The following IFI27 variants were observed in gnomAD, a reference collection of about 807,000 sequenced individuals.
The protein encoded by IFI27 is interferon alpha-inducible protein 27, mitochondrial.
IFI27 carries 3 observed loss-of-function variants against 8.9 expected under a neutral mutation model. The ratio of observed to expected loss-of-function variants is 0.34; its 90% CI spans 0.15 to 0.87. IFI27 has a LOEUF of 0.87. IFI27 is among the 40% of genes least tolerant of loss of function. The probability of loss-of-function intolerance (pLI) is 0.51; values close to 1 mark genes in which losing one functional copy is unlikely to be tolerated. For missense variants in IFI27, 152 were observed against 157.7 expected (o/e 0.96, Z 0.19); for synonymous variants, 66 against 67.3 (o/e 0.98, Z 0.09).
intron 2 of IFI27, chr14:94,114,567 A>G (rs1375327270): frequency 6.2e-6 from 3 of 482,642 alleles, no homozygotes; most frequent in African/African-American, 5.7e-5. Context: ...GGCAGAAAAG[A>G]AAAGATAACA....
chr14:94,113,762 C>T (rs559138340), intron 2 of IFI27: 2 of 152,254 alleles, frequency 1.3e-5, no homozygotes, highest in South Asian at 2.1e-4. Context: ...AACCTTCTAA[C>T]GAGGTTATCC....
In IFI27 at chr14:94,111,539, C is replaced by T. The variant is rs1179296113; in HGVS notation, c.-58-86C>T. On this transcript the variant is annotated intron_variant, in intron 1 of 4. Transcript: ENST00000621160. The surrounding 1 kb of genome is among the most constrained non-coding windows in gnomAD (Gnocchi z 4.3). ...AGCTCAGAGCAGCCTCCCTAGCCCC[C>T]TGGAGCCCGTCACATTTTTCAGGAC... 1.5e-6 allele frequency: 1 copy of T among 684,744 alleles called. No individual in the cohort carries two copies. Among genetic ancestry groups the T allele is most frequent in the Non-Finnish European group, 2.6e-6 (1 of 378,028 alleles). 42.4% of individuals were successfully genotyped at this position (684,744 alleles called of 1,614,324 possible).
At chr14:94,114,755 G>A in intron 2 of IFI27, 96 bp from the exon 3 acceptor site, 2 of 1,363,026 alleles carry the variant, frequency 1.5e-6, no homozygotes, top group Non-Finnish European at 2.1e-6. Context: ...CCCAACCTGG[G>A]GCAGCCCCCT....
At chr14:94,107,804 C>G (rs1486264055), upstream of IFI27, among the ~76,000 whole-genome samples, 1 of 151,976 alleles carries the variant, frequency 6.6e-6, no homozygotes, top group East Asian at 1.9e-4. Context: ...ACTTGTGTCG[C>G]TGGTTGTTAA....
At chr14:94,107,286 G>T (rs529452606), upstream of IFI27, among the ~76,000 whole-genome samples, 198 of 152,280 alleles carry the variant, frequency 1.3e-3, no homozygotes, top group African/African-American at 4.6e-3. Context: ...GGTCAGGCTG[G>T]TCTTGAACTC....
rs539188120 is a variant in IFI27, at chr14:94,116,252, G to A, written c.284-190G>A. 94 of 645,842 alleles carry A rather than the reference G, an allele frequency of 1.5e-4. No homozygotes were observed. The highest frequency in any genetic ancestry group is 3.9e-4 in the Admixed American group (17 of 43,180). The allele number at this position is 645,842 out of a possible 1,614,324, so 40.0% of individuals were successfully genotyped here. ...TCTAGCTCTGGAGTTCACCATGGGG[G>A]TTCATGCCTGCAGCAGCCTCTCCCC... On this transcript the variant is annotated intron_variant, in intron 4 of 4. Transcript: ENST00000621160. The surrounding 1 kb of genome is among the most constrained non-coding windows in gnomAD (Gnocchi z 4.3).
rs1383776185 is a variant in IFI27, at chr14:94,111,139, C to G, written c.-59+342C>G. On this transcript the variant is annotated intron_variant, in intron 1 of 4. Transcript: ENST00000621160. This position sits in a 1 kb window ranked among gnomAD's most constrained non-coding sequence, Gnocchi z 4.3. Reference sequence around the variant, plus strand: ...GGTGTTGCTTCCCTATGGAAAGCTTCTGACCTGGAGCAAATCACTGAGCCA... The same window carrying G: ...GGTGTTGCTTCCCTATGGAAAGCTTGTGACCTGGAGCAAATCACTGAGCCA... Among the ~76,000 whole-genome samples, 2 of 152,206 alleles carry G rather than the reference C, an allele frequency of 1.3e-5. No individual in the cohort carries two copies. The highest frequency in any genetic ancestry group is 2.9e-5 in the Non-Finnish European group (2 of 68,040).
upstream of IFI27, among the ~76,000 whole-genome samples, chr14:94,107,572 T>A (rs2139281981): frequency 6.6e-6 from 1 of 152,336 alleles, no homozygotes; most frequent in African/African-American, 2.4e-5. Flanking sequence ...TTTCTGTGGA[T>A]AGATGATAGA....
At chr14:94,108,526 A>G (rs28718352), upstream of IFI27, among the ~76,000 whole-genome samples, 20,432 of 152,146 alleles carry the variant, frequency 0.13, 1,542 homozygotes, top group African/African-American at 0.2. Flanking sequence ...ATGATGTCAC[A>G]TACATACATT....
upstream of IFI27, among the ~76,000 whole-genome samples, chr14:94,108,419 G>A (rs1887040301): frequency 6.6e-6 from 1 of 151,966 alleles, no homozygotes; most frequent in African/African-American, 2.4e-5. Flanking sequence ...CAAAAACTGT[G>A]TCCATATGCT....
chr14:94,115,904 T>C (rs766677924), exon 4 of IFI27: 42 of 1,593,988 alleles, frequency 2.6e-5, no homozygotes, highest in Admixed American at 3.5e-5. Flanking sequence ...GGGGGTGGAG[T>C]TGCCTCGGGC....
chr14:94,106,780 G>A (rs1402258517), upstream of IFI27, among the ~76,000 whole-genome samples: 4 of 152,176 alleles, frequency 2.6e-5, no homozygotes, highest in Non-Finnish European at 5.9e-5. Context: ...AAGGCAAGAG[G>A]AACTGACATC....
chr14:94,111,937 AG>A lies in IFI27; in HGVS notation c.91+169del, dbSNP rs1220948122. 3.0e-6 allele frequency: 2 copies of A among 666,860 alleles called. No individual in the cohort carries two copies. Among genetic ancestry groups the A allele is most frequent in the Non-Finnish European group, 5.4e-6 (2 of 371,686 alleles). The allele number at this position is 666,860 out of a possible 1,614,324, so 41.3% of individuals were successfully genotyped here. ...CGTCCACCCTAACTTTCCATCTGGGAGGGGGCCCGGGGCAGGCAGACTCTGG... is the reference window on the plus strand; with the variant it reads ...CGTCCACCCTAACTTTCCATCTGGGAGGGGCCCGGGGCAGGCAGACTCTGG... On this transcript the variant is annotated intron_variant, in intron 2 of 4. Transcript: ENST00000621160. The surrounding 1 kb of genome is among the most constrained non-coding windows in gnomAD (Gnocchi z 4.3).
rs1319574758 is a variant in IFI27 at position 94,111,152 on chromosome 14, A to G, written c.-59+355A>G. Among the ~76,000 whole-genome samples, 1 of 152,182 alleles carries G rather than the reference A, an allele frequency of 6.6e-6. No homozygotes were observed. The highest frequency in any genetic ancestry group is 1.5e-5 in the Non-Finnish European group (1 of 68,038). On this transcript the variant is annotated intron_variant, in intron 1 of 4. Transcript: ENST00000621160. The surrounding 1 kb of genome is among the most constrained non-coding windows in gnomAD (Gnocchi z 4.3). ...TATGGAAAGCTTCTGACCTGGAGCAAATCACTGAGCCAGATCGCGCTCCCT... is the reference window on the plus strand; with the variant it reads ...TATGGAAAGCTTCTGACCTGGAGCAGATCACTGAGCCAGATCGCGCTCCCT...
At chr14:94,109,455 G>GGCA (rs1451101681), upstream of IFI27, among the ~76,000 whole-genome samples, 1 of 151,904 alleles carries the variant, frequency 6.6e-6, no homozygotes, top group Non-Finnish European at 1.5e-5. Context: ...TATTGGTGGT[G>GGCA]GCAGCATCTT....
At chr14:94,108,393 G>T (rs1658440095), upstream of IFI27, among the ~76,000 whole-genome samples, 1 of 152,168 alleles carries the variant, frequency 6.6e-6, no homozygotes, top group Non-Finnish European at 1.5e-5. Flanking sequence ...TATTGAAATT[G>T]TGTAGAACTG....
rs553605941 is a variant in IFI27 at position 94,114,979 on chromosome 14, G to T, written c.121+99G>T. ...TCCATGCCAATGTTTCCCTCACATG[G>T]GTGGTCAGGGGAGGAGGTGGGGATG... On this transcript the variant is annotated intron_variant, in intron 3 of 4. Transcript: ENST00000621160. 223 of 1,106,448 alleles carry T rather than the reference G, an allele frequency of 2.0e-4. No homozygotes were observed. The African/African-American group carries it at 2.9e-3, about 15-fold the overall frequency. 68.5% of individuals were successfully genotyped at this position (1,106,448 alleles called of 1,614,324 possible). A position where few individuals can be genotyped will look rare whatever the true frequency, so the allele number is the denominator to read the frequency against.
At chr14:94,115,838 G>C in exon 4 of IFI27, 2 of 1,602,540 alleles carry the variant, frequency 1.2e-6, no homozygotes, top group Non-Finnish European at 1.7e-6. Context: ...ACTGCGGCGG[G>C]AATCGCCTCG....
intron 2 of IFI27, chr14:94,112,918 T>G (rs564835066): frequency 6.6e-6 from 1 of 152,392 alleles, no homozygotes; most frequent in African/African-American, 2.4e-5. Flanking sequence ...CCTTTCTGTT[T>G]GTCAGAAATG....
Sources: allele counts gnomAD v4.1 joint callset (sites outside exome capture counted in the v4.1 genomes callset), GRCh38; gene constraint gnomAD v4.1.1; non-coding constraint Gnocchi (gnomAD v3.1); transcripts MANE v1.5; gene names NCBI Gene and HGNC (gene_info 2026-07-23, HGNC 2026-07-21).